Variants in MEIOSIN observed in about 807,000 individuals in gnomAD.
The protein encoded by MEIOSIN is meiosis initiator protein.
In MEIOSIN, 18 loss-of-function variants were observed where a neutral mutation model predicts 23.4. That is an observed-to-expected ratio of 0.77 (90% CI 0.53 to 1.14). The LOEUF (loss-of-function observed/expected upper bound fraction) is 1.14. Among genes scored for constraint, MEIOSIN ranks in the 50% most tolerant of loss-of-function variants. The probability of loss-of-function intolerance (pLI) is 0.00; values close to 1 mark genes in which losing one functional copy is unlikely to be tolerated. For missense variants in MEIOSIN, 428 were observed against 242.9 expected, an observed-to-expected ratio of 1.76 and a Z score of -5.07; for synonymous variants, 187 against 100.6, an observed-to-expected ratio of 1.86 and a Z score of -5.14.
intron 2 of MEIOSIN, 108 bp from the exon 3 acceptor site, chr19:45,739,518 C>T: frequency 1.5e-6 from 1 of 672,670 alleles, no homozygotes; most frequent in Non-Finnish European, 2.7e-6. Context: ...TTGCCAACTC[C>T]ATATACCCAG....
intron 4 of MEIOSIN, among the ~76,000 whole-genome samples, chr19:45,747,702 T>C (rs1321924976): frequency 2.0e-5 from 3 of 152,194 alleles, no homozygotes; most frequent in African/African-American, 7.2e-5. Flanking sequence ...TGTATGGCTA[T>C]GCTCATTCTT....
chr19:45,761,293 T>A (rs1968935807), intron 11 of MEIOSIN, among the ~76,000 whole-genome samples: 2 of 151,842 alleles, frequency 1.3e-5, no homozygotes, highest in South Asian at 4.2e-4. Context: ...CCTGGCTAAT[T>A]TTTTAGTATT....
chr19:45,739,893 G>A (rs1258633452), intron 3 of MEIOSIN, among the ~76,000 whole-genome samples, 163 bp downstream of exon 3: 3 of 151,620 alleles, frequency 2.0e-5, no homozygotes, highest in Non-Finnish European at 2.9e-5. Flanking sequence ...TGTTGCCCAA[G>A]CTGGAGTGCA....
At chr19:45,741,803 G>A (rs1446688212) in intron 3 of MEIOSIN, among the ~76,000 whole-genome samples, 2 of 151,902 alleles carry the variant, frequency 1.3e-5, no homozygotes, top group African/African-American at 2.4e-5. Flanking sequence ...TTCACAGCCT[G>A]TACAATATAG....
At chr19:45,754,308 A>G (rs2146192638) in intron 6 of MEIOSIN, among the ~76,000 whole-genome samples, 171 bp from the exon 7 acceptor site, 1 of 152,306 alleles carries the variant, frequency 6.6e-6, no homozygotes, top group African/African-American at 2.4e-5. Flanking sequence ...GATGATTCTG[A>G]CAGGTGGACA....
chr19:45,736,084 G>C (rs1443676158), intron 2 of MEIOSIN, among the ~76,000 whole-genome samples: 3 of 152,114 alleles, frequency 2.0e-5, no homozygotes, highest in Non-Finnish European at 4.4e-5. Flanking sequence ...TGTTGCCCAC[G>C]TTAGAGTGCA....
intron 5 of MEIOSIN, among the ~76,000 whole-genome samples, chr19:45,751,627 C>T (rs1229914374): frequency 3.3e-5 from 5 of 151,880 alleles, no homozygotes; most frequent in East Asian, 1.9e-4. Flanking sequence ...CTCTGCCTCC[C>T]GGGCCTCTGC....
At chr19:45,756,877 A>G (rs150111520) in intron 8 of MEIOSIN, among the ~76,000 whole-genome samples, 1 of 152,218 alleles carries the variant, frequency 6.6e-6, no homozygotes, top group Non-Finnish European at 1.5e-5. Flanking sequence ...AGCTTCTCAC[A>G]TTCCAGTACT....
intron 2 of MEIOSIN, among the ~76,000 whole-genome samples, chr19:45,738,933 CTG>C (rs981369542): frequency 6.6e-6 from 1 of 152,104 alleles, no homozygotes; most frequent in Non-Finnish European, 1.5e-5. Context: ...TTGATAAAGA[CTG>C]TTAGTTGCGA....
chr19:45,750,413 G>A (rs1204164262), intron 4 of MEIOSIN, among the ~76,000 whole-genome samples: 12 of 145,318 alleles, frequency 8.3e-5, no homozygotes, highest in South Asian at 4.4e-4. Context: ...AGGCTGGAGT[G>A]CAACGGCGTG....
rs1450212550 is a variant in MEIOSIN at position 45,745,317 on chromosome 19, C to T, written c.302C>T (p.Thr101Ile). The change falls in exon 4 of 15, where the codon ACA becomes ATA. Residue 101 changes from threonine (T) to isoleucine (I), a missense_variant. Coordinates refer to ENST00000457052, the MANE Select transcript of MEIOSIN (RefSeq NM_001310124.2). The part of the protein sequence containing the change: ...IALKTGTKKL[T>I]KKEILVHVLQ... ...CTGAAGACGGGGACCAAGAAGCTCA[C>T]AAAGGTACAGGGACTAGAGGAGAGG... 3 of 702,766 alleles carry T rather than the reference C, an allele frequency of 4.3e-6. No homozygotes were observed. The highest frequency in any genetic ancestry group is 7.8e-6 in the Non-Finnish European group (3 of 385,002). The allele number at this position is 702,766 out of a possible 1,614,324, so 43.5% of individuals were successfully genotyped here.
chr19:45,740,896 C>T (rs1435747394), intron 3 of MEIOSIN, among the ~76,000 whole-genome samples: 1 of 152,010 alleles, frequency 6.6e-6, no homozygotes, highest in Non-Finnish European at 1.5e-5. Context: ...GTCTGAGCAG[C>T]TATCCCAAGA....
intron 6 of MEIOSIN, 71 bp downstream of exon 6, chr19:45,753,859 G>A (rs527412513): frequency 1.5e-6 from 1 of 647,588 alleles, no homozygotes; most frequent in Admixed American, 2.4e-5. Context: ...CTCCAGGGAT[G>A]TCCTTACTCT....
chr19:45,735,686 T>C (rs1968397957), intron 2 of MEIOSIN, among the ~76,000 whole-genome samples: 1 of 152,104 alleles, frequency 6.6e-6, no homozygotes, highest in Non-Finnish European at 1.5e-5. Context: ...ATTTATTTAT[T>C]TATTTTTGAG....
chr19:45,754,885 C>T (rs1168904224), intron 7 of MEIOSIN, among the ~76,000 whole-genome samples, 161 bp downstream of exon 7: 2 of 152,214 alleles, frequency 1.3e-5, no homozygotes, highest in East Asian at 3.8e-4. Flanking sequence ...TGGTGGTCTT[C>T]ATCTCAGGCT....
In MEIOSIN at chr19:45,754,578, G is replaced by C; in HGVS notation, c.656G>C (p.Gly219Ala). ...CCAGACCAGAAAGGAAGTGGCACAG[G>C]GGGGACCACTACCCCTCCAAGGTGC... Reference protein sequence around the residue: ...PSPDQKGSGTGGTTTPPRCPD... With the variant: ...PSPDQKGSGTAGTTTPPRCPD... The change falls in exon 7 of 15, where the codon GGG becomes GCG. Residue 219 changes from glycine to alanine, a missense_variant. Transcript: ENST00000457052. The C allele has an allele frequency of 1.4e-6, 1 of 703,048 alleles. No homozygotes were observed. The highest frequency in any genetic ancestry group is 2.6e-6 in the Non-Finnish European group (1 of 385,012). The allele number at this position is 703,048 out of a possible 1,614,324, so 43.6% of individuals were successfully genotyped here. A position where few individuals can be genotyped will look rare whatever the true frequency, so the allele number is the denominator to read the frequency against.
At position 45,746,022 on chromosome 19, in the gene MEIOSIN, G is replaced by A. The variant is rs139141433; in HGVS notation, c.306+701G>A. 2.2e-4 allele frequency among the ~76,000 whole-genome samples: 34 copies of A among 152,286 alleles called. No homozygotes were observed. The East Asian group carries it at 6.2e-3, about 28-fold the overall frequency. ...CTCACTGTCTCACCCAGGCTACAGT[G>A]TAGTGGCTCGACCTCAGCTCACTGC... On this transcript the variant is annotated intron_variant, in intron 4 of 14. Coordinates refer to ENST00000457052, the MANE Select transcript of MEIOSIN (RefSeq NM_001310124.2).
intron 6 of MEIOSIN, 56 bp downstream of exon 6, chr19:45,753,844 T>G: frequency 1.5e-6 from 1 of 668,220 alleles, no homozygotes; most frequent in South Asian, 1.6e-5. Context: ...GGAGCAGGGC[T>G]CCTTCTCCAG....
chr19:45,755,227 G>A (rs1968800844), intron 7 of MEIOSIN, among the ~76,000 whole-genome samples: 1 of 145,730 alleles, frequency 6.9e-6, no homozygotes. Context: ...TCGGCTCACT[G>A]CAACCTCTGC....
Sources: gnomAD v4.1 joint callset for allele counts (sites outside exome capture counted in the v4.1 genomes callset) on GRCh38, gnomAD v4.1.1 for gene constraint, MANE v1.5 for transcripts, NCBI Gene and HGNC (gene_info 2026-07-23, HGNC 2026-07-21) for gene names.